DSG2: variants seen among roughly 807,000 people sequenced by gnomAD.
DSG2 encodes desmoglein 2, also known as desmoglein-2.
Under a neutral mutation model 75.6 loss-of-function variants are expected in DSG2, and 45 were observed. That is an observed-to-expected ratio of 0.60 (90% confidence interval 0.47 to 0.76). DSG2 has a LOEUF of 0.76. Ranked by LOEUF, DSG2 falls within the 30% of genes least tolerant of loss-of-function variation. The pLI, the probability that DSG2 is intolerant of heterozygous loss-of-function variation, is 0.00. For synonymous variants in DSG2, 429 were observed against 483.9 expected (o/e 0.89, Z 1.49); for missense variants, 1,267 against 1,357.4 (o/e 0.93, Z 1.05).
intron 1 of DSG2, among the ~76,000 whole-genome samples, chr18:31,512,011 T>C (rs2073070018): frequency 6.6e-6 from 1 of 152,168 alleles, no homozygotes. Flanking sequence ...ATTAAAGATG[T>C]ACAAAACCTC....
intron 1 of DSG2, among the ~76,000 whole-genome samples, chr18:31,514,215 G>GTATTTAAATTTAACAT (rs2073081649): frequency 1.3e-5 from 2 of 152,160 alleles, no homozygotes; most frequent in African/African-American, 4.8e-5. Context: ...AGCTATTTAA[G>GTATTTAAATTTAACAT]ATGTTAACAT....
intron 9 of DSG2, among the ~76,000 whole-genome samples, chr18:31,533,042 T>C (rs2073207712): frequency 6.6e-6 from 1 of 152,228 alleles, no homozygotes; most frequent in African/African-American, 2.4e-5. Flanking sequence ...AGAATGCAGT[T>C]ACAGAATTTT....
chr18:31,516,839 A>T (rs887864406), intron 1 of DSG2, among the ~76,000 whole-genome samples: 1 of 152,196 alleles, frequency 6.6e-6, no homozygotes, highest in African/African-American at 2.4e-5. Context: ...GTCACTGACA[A>T]CATCTTCAGA....
chr18:31,544,632 ATTAT>A (rs1466022423), intron 14 of DSG2, among the ~76,000 whole-genome samples: 1 of 152,210 alleles, frequency 6.6e-6, no homozygotes, highest in African/African-American at 2.4e-5. Flanking sequence ...CCACAAGCTT[ATTAT>A]TTAAAGAGGT....
At chr18:31,511,146 T>G (rs1412792998) in intron 1 of DSG2, among the ~76,000 whole-genome samples, 1 of 152,176 alleles carries the variant, frequency 6.6e-6, no homozygotes, top group African/African-American at 2.4e-5. Flanking sequence ...CTGACCCTGG[T>G]TATTACAGTA....
chr18:31,540,904 A>C (rs1202446849), intron 12 of DSG2, among the ~76,000 whole-genome samples: 2 of 152,056 alleles, frequency 1.3e-5, no homozygotes, highest in Non-Finnish European at 2.9e-5. Flanking sequence ...GATGATTTGG[A>C]TACTATCTGA....
intron 1 of DSG2, among the ~76,000 whole-genome samples, chr18:31,501,796 G>T (rs780335092): frequency 7.2e-5 from 11 of 152,128 alleles, no homozygotes; most frequent in South Asian, 2.1e-4. Context: ...TTCCAAATAA[G>T]CTCACATTCT....
intron 9 of DSG2, among the ~76,000 whole-genome samples, 174 bp downstream of exon 9, chr18:31,531,426 A>G (rs895971105): frequency 6.6e-6 from 1 of 152,204 alleles, no homozygotes; most frequent in Admixed American, 6.5e-5. Flanking sequence ...ATGAGGGGGA[A>G]TTTTCACCAG....
Position 31,548,246 on chromosome 18 carries a change from T to C in DSG2, c.*1503T>C, listed in dbSNP as rs1235082984. ...ATCTCCTAAATAGGTTATATTTTAT[T>C]GCTTCTAGAAACAATGTTTCAAAAT... On this transcript the variant is annotated 3_prime_UTR_variant, in exon 15 of 15. Transcript: ENST00000261590. The C allele has an allele frequency of 2.0e-5, 3 of 152,208 alleles. No homozygotes were observed. The highest frequency in any genetic ancestry group is 4.4e-5 in the Non-Finnish European group (3 of 68,034). 9.4% of individuals were successfully genotyped at this position (152,208 alleles called of 1,614,324 possible).
At chr18:31,511,077 A>G (rs1168850084) in intron 1 of DSG2, among the ~76,000 whole-genome samples, 1 of 152,192 alleles carries the variant, frequency 6.6e-6, no homozygotes, top group Admixed American at 6.5e-5. Flanking sequence ...TACTTGCAGT[A>G]TACTACCCAC....
chr18:31,521,187 A>T lies in DSG2; in HGVS notation c.467A>T (p.Glu156Val), dbSNP rs1195793547. 6.2e-7 allele frequency: 1 copy of T among 1,613,856 alleles called. No homozygotes were observed. Residue 156 changes from glutamate to valine, a missense_variant, in exon 5 of 15, where the codon GAA becomes GTA. By Grantham distance (121) the Glu-to-Val change is moderately radical. Coordinates refer to ENST00000261590, the MANE Select transcript of DSG2 (RefSeq NM_001943.5). ...RIKVLDINDN[E>V]PVFTQDVFVG... ...AAGGTTCTTGATATCAATGACAACG[A>T]ACCAGTGTTCACACAGGATGTCTTT...
intron 3 of DSG2, 88 bp from the exon 4 acceptor site, chr18:31,520,714 GA>G: frequency 7.3e-7 from 1 of 1,360,818 alleles, no homozygotes; most frequent in Non-Finnish European, 1.0e-6. Flanking sequence ...GTAAATTATA[GA>G]GAATCACTTC....
intron 1 of DSG2, among the ~76,000 whole-genome samples, chr18:31,503,009 C>T (rs930391075): frequency 1.3e-5 from 2 of 152,102 alleles, no homozygotes; most frequent in African/African-American, 4.8e-5. Flanking sequence ...ATATGCAAAG[C>T]TTGGTGATTA....
In DSG2 at chr18:31,511,873, A is replaced by G. The variant is rs1444330944; in HGVS notation, c.46-6366A>G. 5.3e-5 allele frequency among the ~76,000 whole-genome samples: 8 copies of G among 152,194 alleles called. No individual in the cohort carries two copies. In the East Asian group the frequency reaches 1.5e-3, roughly 29 times the overall value. On this transcript the variant is annotated intron_variant, in intron 1 of 14. Coordinates refer to ENST00000261590, the MANE Select transcript of DSG2 (RefSeq NM_001943.5). ...CCAGAAGGCCCCTTGTGCTCCCTTC[A>G]GTCCCTACGATCCCCCTGATAGCCG...
rs764211843 is a variant in DSG2, at chr18:31,498,315, A to G, written c.45+19A>G. The G allele has an allele frequency of 1.4e-5, 17 of 1,257,778 alleles. No individual in the cohort carries two copies. Among genetic ancestry groups the G allele is most frequent in the Non-Finnish European group, 1.2e-5 (12 of 994,304 alleles). 77.9% of individuals were successfully genotyped at this position (1,257,778 alleles called of 1,614,324 possible). A position where few individuals can be genotyped will look rare whatever the true frequency, so the allele number is the denominator to read the frequency against. Reference sequence around the variant, plus strand: ...TCTCCTGGTAAGTGCCGCAAGCGGGACAGGGGAGCCACCGCCGGGGAGGGC... The same window carrying G: ...TCTCCTGGTAAGTGCCGCAAGCGGGGCAGGGGAGCCACCGCCGGGGAGGGC... On this transcript the variant is annotated intron_variant, in intron 1 of 14. Transcript: ENST00000261590.
chr18:31,543,097 C>G, intron 14 of DSG2: 1 of 406,714 alleles, frequency 2.5e-6, no homozygotes, highest in Non-Finnish European at 4.3e-6. Context: ...ATATTTCTCA[C>G]TTACAGTTAT....
intron 1 of DSG2, among the ~76,000 whole-genome samples, chr18:31,499,339 TG>T (rs2073001945): frequency 6.8e-6 from 1 of 146,986 alleles, no homozygotes; most frequent in Non-Finnish European, 1.5e-5. Context: ...CGAGTTTTGG[TG>T]GGATGTGGAA....
At chr18:31,533,547 G>A (rs983222102) in intron 9 of DSG2, among the ~76,000 whole-genome samples, 1 of 152,228 alleles carries the variant, frequency 6.6e-6, no homozygotes, top group African/African-American at 2.4e-5. Context: ...CTTGAATGAT[G>A]TCTAGCTTTT....
intron 8 of DSG2, among the ~76,000 whole-genome samples, chr18:31,525,161 G>A (rs1246415185): frequency 6.6e-6 from 1 of 152,122 alleles, no homozygotes; most frequent in African/African-American, 2.4e-5. Flanking sequence ...CTTTCTTGCA[G>A]CTCATACCTG....
Sources: allele counts gnomAD v4.1 joint callset (sites outside exome capture counted in the v4.1 genomes callset), GRCh38; gene constraint gnomAD v4.1.1; transcripts MANE v1.5; gene names NCBI Gene and HGNC (gene_info 2026-07-23, HGNC 2026-07-21).